The following ZCCHC7 variants were observed in gnomAD, a reference collection of about 807,000 sequenced individuals.
ZCCHC7 encodes zinc finger CCHC-type containing 7, also known as zinc finger CCHC domain-containing protein 7.
A neutral mutation model predicts 52.0 loss-of-function variants in ZCCHC7; 35 were observed. The observed-to-expected ratio is 0.67, with a 90% confidence interval of 0.51 to 0.89. The LOEUF (loss-of-function observed/expected upper bound fraction) is 0.89. Among genes scored for constraint, ZCCHC7 ranks in the 40% least tolerant of loss-of-function variants. ZCCHC7 has a pLI of 0.00. For missense variants in ZCCHC7, 574 were observed against 649.1 expected (o/e 0.88, Z 1.26); for synonymous variants, 217 against 221.5 (o/e 0.98, Z 0.18).
At chr9:37,293,776 G>T (rs1053678936) in intron 2 of ZCCHC7, among the ~76,000 whole-genome samples, 1 of 152,046 alleles carries the variant, frequency 6.6e-6, no homozygotes, top group East Asian at 1.9e-4. Flanking sequence ...TGGGACAGAG[G>T]TAATGGGAGA....
chr9:37,297,279 G>C (rs1316573464), intron 2 of ZCCHC7, among the ~76,000 whole-genome samples: 7 of 152,086 alleles, frequency 4.6e-5, no homozygotes, highest in Non-Finnish European at 1.0e-4. Flanking sequence ...GCATTAGATA[G>C]CACATATTAT....
At chr9:37,338,617 A>G (rs1830792018) in intron 6 of ZCCHC7, among the ~76,000 whole-genome samples, 1 of 152,194 alleles carries the variant, frequency 6.6e-6, no homozygotes, top group African/African-American at 2.4e-5. Flanking sequence ...TGCAGTTCAA[A>G]TGAACACTCT....
intron 1 of ZCCHC7, among the ~76,000 whole-genome samples, chr9:37,124,141 T>C (rs900369259): frequency 6.6e-6 from 1 of 152,148 alleles, no homozygotes; most frequent in African/African-American, 2.4e-5. Context: ...TATTTTTTAT[T>C]TTATGTGTAT....
chr9:37,256,599 C>T (rs1375738381), intron 2 of ZCCHC7, among the ~76,000 whole-genome samples: 1 of 152,094 alleles, frequency 6.6e-6, no homozygotes, highest in African/African-American at 2.4e-5. Flanking sequence ...TATTAAGCCT[C>T]AATACTCTAG....
At chr9:37,227,027 T>C (rs1351073236) in intron 2 of ZCCHC7, among the ~76,000 whole-genome samples, 1 of 67,972 alleles carries the variant, frequency 1.5e-5, no homozygotes. Context: ...AGACTCCGTC[T>C]CAAAAAAAAA....
chr9:37,200,144 C>T (rs1283374842), intron 2 of ZCCHC7, among the ~76,000 whole-genome samples: 1 of 152,078 alleles, frequency 6.6e-6, no homozygotes, highest in Non-Finnish European at 1.5e-5. Context: ...TTTGTGTTTT[C>T]TCTGTTACTT....
intron 2 of ZCCHC7, among the ~76,000 whole-genome samples, chr9:37,154,819 T>C (rs1820723946): frequency 1.3e-5 from 2 of 152,122 alleles, no homozygotes; most frequent in South Asian, 4.1e-4. Flanking sequence ...CTGATCTCAG[T>C]TGGATTGTTT....
At chr9:37,230,410 G>A (rs888505822) in intron 2 of ZCCHC7, among the ~76,000 whole-genome samples, 1 of 152,052 alleles carries the variant, frequency 6.6e-6, no homozygotes, top group African/African-American at 2.4e-5. Context: ...CCATATACTT[G>A]TTTTGTTATT....
Position 37,148,039 on chromosome 9 carries a change from C to G in ZCCHC7, c.610+21097C>G, listed in dbSNP as rs142847979. Reference sequence around the variant, plus strand: ...AGGAAGAAAAAAGAATCTATACTTGCATCTGTCAGTATTATTGTTGTTTTA... The same window carrying G: ...AGGAAGAAAAAAGAATCTATACTTGGATCTGTCAGTATTATTGTTGTTTTA... On this transcript the variant is annotated intron_variant, in intron 2 of 8. Transcript: ENST00000336755. 1.0e-3 allele frequency among the ~76,000 whole-genome samples: 154 copies of G among 152,154 alleles called. 2 individuals carry two copies. Among genetic ancestry groups the G allele is most frequent in the South Asian group, 3.5e-3 (17 of 4,824 alleles).
At chr9:37,194,751 T>C (rs997467202) in intron 2 of ZCCHC7, among the ~76,000 whole-genome samples, 13 of 152,166 alleles carry the variant, frequency 8.5e-5, no homozygotes, top group Admixed American at 6.5e-4. Flanking sequence ...GGGTGACAAA[T>C]TGAATCTCTA....
chr9:37,283,232 A>C (rs1828056330), intron 2 of ZCCHC7, among the ~76,000 whole-genome samples: 1 of 152,186 alleles, frequency 6.6e-6, no homozygotes, highest in African/African-American at 2.4e-5. Flanking sequence ...TTTGGGAGAA[A>C]TAAAGATAGG....
chr9:37,349,868 A>C (rs1403022080), intron 7 of ZCCHC7, among the ~76,000 whole-genome samples: 1 of 151,702 alleles, frequency 6.6e-6, no homozygotes, highest in African/African-American at 2.4e-5. Context: ...GCTCACTGCA[A>C]CCTCCTTCTC....
At chr9:37,226,442 T>C (rs1252652275) in intron 2 of ZCCHC7, among the ~76,000 whole-genome samples, 1 of 152,138 alleles carries the variant, frequency 6.6e-6, no homozygotes, top group Non-Finnish European at 1.5e-5. Context: ...CTAAATTGAT[T>C]ATAAAATGTA....
At chr9:37,309,786 G>A (rs927747349) in intron 5 of ZCCHC7, among the ~76,000 whole-genome samples, 2 of 152,246 alleles carry the variant, frequency 1.3e-5, no homozygotes, top group African/African-American at 4.8e-5. Context: ...GCTGAGTGTG[G>A]TGGTGCACAC....
intron 2 of ZCCHC7, among the ~76,000 whole-genome samples, chr9:37,289,242 C>T (rs993868203): frequency 2.0e-5 from 3 of 151,396 alleles, no homozygotes; most frequent in Non-Finnish European, 4.4e-5. Flanking sequence ...CTCTGCCTCC[C>T]GGGTTCAAGC....
chr9:37,209,679 A>C (rs1824109975), intron 2 of ZCCHC7, among the ~76,000 whole-genome samples: 1 of 152,200 alleles, frequency 6.6e-6, no homozygotes, highest in African/African-American at 2.4e-5. Flanking sequence ...CAGTACTCAA[A>C]TACTTCTTGA....
At chr9:37,291,912 C>T (rs1185812172) in intron 2 of ZCCHC7, among the ~76,000 whole-genome samples, 3 of 152,154 alleles carry the variant, frequency 2.0e-5, no homozygotes, top group Middle Eastern at 3.2e-3. Flanking sequence ...AGGCTGGTCT[C>T]GAACTCCCGA....
chr9:37,317,072 AATG>A (rs1208074381), intron 5 of ZCCHC7, among the ~76,000 whole-genome samples: 6 of 152,150 alleles, frequency 3.9e-5, no homozygotes, highest in Non-Finnish European at 7.3e-5. Context: ...TGCTGAGCAA[AATG>A]ATGAAGAAAA....
chr9:37,188,247 A>C (rs1478316950), intron 2 of ZCCHC7, among the ~76,000 whole-genome samples: 1 of 152,100 alleles, frequency 6.6e-6, no homozygotes, highest in African/African-American at 2.4e-5. Context: ...AAATTGGCTC[A>C]AGCAATCCTC....
Sources: allele counts gnomAD v4.1 joint callset (sites outside exome capture counted in the v4.1 genomes callset), GRCh38; gene constraint gnomAD v4.1.1; transcripts MANE v1.5; gene names NCBI Gene and HGNC (gene_info 2026-07-23, HGNC 2026-07-21).